Variants in ZFHX3 observed in about 807,000 individuals in gnomAD.
ZFHX3 encodes the protein zinc finger homeobox protein 3.
ZFHX3 carries 42 observed loss-of-function variants against 279.1 expected under a neutral mutation model. The observed-to-expected ratio is 0.15, with a 90% CI of 0.12 to 0.19. The LOEUF is 0.19. Ranked by LOEUF, ZFHX3 falls within the 10% of genes least tolerant of loss-of-function variation. The probability of loss-of-function intolerance (pLI) is 1.00; values close to 1 mark genes in which losing one functional copy is unlikely to be tolerated. For synonymous variants in ZFHX3, 2,293 were observed against 1,957.8 expected (o/e 1.17, Z -4.52); for missense variants, 4,981 against 4,754.0 (o/e 1.05, Z -1.40).
At chr16:73,380,154 T>A (rs991259317) in intron 3 of ZFHX3, among the ~76,000 whole-genome samples, 1 of 152,126 alleles carries the variant, frequency 6.6e-6, no homozygotes, top group African/African-American at 2.4e-5. Context: ...CATTATATAA[T>A]GTTAAAAAGC....
chr16:72,868,818 T>G (rs956456230), intron 4 of ZFHX3, among the ~76,000 whole-genome samples: 3 of 150,380 alleles, frequency 2.0e-5, no homozygotes, highest in Non-Finnish European at 4.4e-5. Context: ...TCTGTTCACC[T>G]CAGGAGTTGT....
chr16:73,816,275 A>G (rs1960569193), intron 1 of ZFHX3, among the ~76,000 whole-genome samples: 1 of 152,204 alleles, frequency 6.6e-6, no homozygotes, highest in South Asian at 2.1e-4. Flanking sequence ...GTCATGAAAC[A>G]TTAAATAATC....
chr16:73,253,859 G>A (rs2013584838), intron 5 of ZFHX3, among the ~76,000 whole-genome samples: 1 of 152,128 alleles, frequency 6.6e-6, no homozygotes, highest in East Asian at 1.9e-4. Flanking sequence ...GTGGCCAACA[G>A]AGGGAGAAGG....
At chr16:72,879,793 C>A (rs2038413565) in intron 4 of ZFHX3, among the ~76,000 whole-genome samples, 1 of 152,230 alleles carries the variant, frequency 6.6e-6, no homozygotes. Flanking sequence ...GGAGCACCTT[C>A]AGCAAAGGCA....
intron 1 of ZFHX3, among the ~76,000 whole-genome samples, chr16:73,718,407 T>C (rs1036420513): frequency 6.6e-6 from 1 of 151,856 alleles, no homozygotes; most frequent in Non-Finnish European, 1.5e-5. Flanking sequence ...CGAGACTCTG[T>C]CTCAAAAAAT....
intron 3 of ZFHX3, among the ~76,000 whole-genome samples, chr16:72,894,128 G>A (rs771708475): frequency 2.8e-5 from 4 of 143,108 alleles, no homozygotes; most frequent in African/African-American, 5.3e-5. Flanking sequence ...CAGCCTGGGC[G>A]ACAGAGCAAA....
intron 1 of ZFHX3, among the ~76,000 whole-genome samples, chr16:72,964,335 C>T (rs1961727564): frequency 6.6e-6 from 1 of 152,032 alleles, no homozygotes; most frequent in East Asian, 1.9e-4. Context: ...GCACAGAGCT[C>T]CATATGTTGT....
At chr16:72,917,441 A>T (rs1255021867) in intron 3 of ZFHX3, among the ~76,000 whole-genome samples, 1 of 152,248 alleles carries the variant, frequency 6.6e-6, no homozygotes, top group African/African-American at 2.4e-5. Flanking sequence ...TAATTTGTTT[A>T]TATTATCCAT....
chr16:73,747,619 G>C (rs1223386469), intron 1 of ZFHX3, among the ~76,000 whole-genome samples: 1 of 152,092 alleles, frequency 6.6e-6, no homozygotes, highest in Non-Finnish European at 1.5e-5. Flanking sequence ...ATGTTGATTA[G>C]TCCCAAAAAC....
chr16:73,048,165 G>C (rs1410921817), upstream of ZFHX3: 1 of 153,080 alleles, frequency 6.5e-6, no homozygotes, highest in Non-Finnish European at 1.5e-5. Flanking sequence ...GCACCGCCCG[G>C]GGAAGGGGGG....
chr16:72,788,616 G>C lies in ZFHX3; in HGVS notation c.9660C>G (p.Pro3220=). ...PPPPPAAQPP[P]TPQLPLQQQQ... is the part of the protein sequence containing the mutation. ...GCTGTTGCAGTGGGAGCTGTGGTGTGGGTGGCGGCTGGGCTGCTGGCGGCG... is the reference window on the plus strand; with the variant it reads ...GCTGTTGCAGTGGGAGCTGTGGTGTCGGTGGCGGCTGGGCTGCTGGCGGCG... The change falls in exon 10 of 10, where the codon CCC becomes CCG. Residue 3220 remains proline (P), a synonymous_variant. Coordinates refer to ENST00000268489, the MANE Select transcript of ZFHX3 (RefSeq NM_006885.4). The C allele has an allele frequency of 1.2e-6, 2 of 1,613,494 alleles. No individual in the cohort carries two copies. The highest frequency in any genetic ancestry group is 1.3e-5 in the African/African-American group (1 of 74,992).
intron 1 of ZFHX3, among the ~76,000 whole-genome samples, chr16:73,770,634 T>G (rs1377680876): frequency 6.6e-6 from 1 of 152,236 alleles, no homozygotes; most frequent in Non-Finnish European, 1.5e-5. Context: ...ATAGCATTGC[T>G]ATCTGGAACA....
intron 1 of ZFHX3, among the ~76,000 whole-genome samples, chr16:73,682,648 A>G (rs910178191): frequency 6.6e-6 from 1 of 151,690 alleles, no homozygotes; most frequent in African/African-American, 2.4e-5. Context: ...TGAGCCGGTC[A>G]TGGTGGCATG....
At chr16:73,804,198 G>C (rs1169568301) in intron 1 of ZFHX3, among the ~76,000 whole-genome samples, 26 of 152,024 alleles carry the variant, frequency 1.7e-4, no homozygotes, top group Admixed American at 1.7e-3. Flanking sequence ...TAAATTACAA[G>C]GGGTAGGAGG....
intron 3 of ZFHX3, among the ~76,000 whole-genome samples, chr16:73,393,917 T>C (rs1037019007): frequency 2.0e-5 from 3 of 147,572 alleles, no homozygotes; most frequent in East Asian, 1.9e-4. Flanking sequence ...TATATGAATA[T>C]ATGATATATA....
At chr16:72,863,561 T>C (rs1347777522) in intron 4 of ZFHX3, among the ~76,000 whole-genome samples, 3 of 145,142 alleles carry the variant, frequency 2.1e-5, no homozygotes, top group Admixed American at 6.8e-5. Flanking sequence ...GAGAAAGAAA[T>C]AGGGATGAAA....
At chr16:73,473,897 G>A (rs1289348645) in intron 2 of ZFHX3, among the ~76,000 whole-genome samples, 4 of 152,170 alleles carry the variant, frequency 2.6e-5, no homozygotes, top group South Asian at 2.1e-4. Flanking sequence ...AGAGCACTCC[G>A]TTGGCCAGGC....
chr16:73,730,179 A>T (rs1218793757), intron 1 of ZFHX3, among the ~76,000 whole-genome samples: 1 of 152,094 alleles, frequency 6.6e-6, no homozygotes, highest in Admixed American at 6.5e-5. Context: ...GAAAAATTTG[A>T]TGGAATCTTA....
At chr16:73,536,802 C>T (rs1474662697) in intron 2 of ZFHX3, among the ~76,000 whole-genome samples, 4 of 151,964 alleles carry the variant, frequency 2.6e-5, no homozygotes, top group Non-Finnish European at 1.5e-5. Context: ...TTCCAGGCTC[C>T]GGGACAGGAG....
Sources: gnomAD v4.1 joint callset for allele counts (sites outside exome capture counted in the v4.1 genomes callset) on GRCh38, gnomAD v4.1.1 for gene constraint, MANE v1.5 for transcripts, NCBI Gene and HGNC (gene_info 2026-07-23, HGNC 2026-07-21) for gene names.